The following ASB3 variants were observed in gnomAD, a reference collection of about 807,000 sequenced individuals.
ASB3 encodes the protein ankyrin repeat and SOCS box containing 3, also known as ankyrin repeat and SOCS box protein 3.
In ASB3, 41 loss-of-function variants were observed where a neutral mutation model predicts 54.5. That is an observed-to-expected ratio of 0.75 (90% confidence interval 0.59 to 0.98). The LOEUF (loss-of-function observed/expected upper bound fraction) is 0.98, where lower values mean the gene tolerates loss of function less well. Among genes scored for constraint, ASB3 ranks in the 50% least tolerant of loss-of-function variants. The probability of loss-of-function intolerance (pLI) is 0.00; values close to 1 mark genes in which losing one functional copy is unlikely to be tolerated. For missense variants in ASB3, 733 were observed against 620.0 expected, an observed-to-expected ratio of 1.18 and a Z score of -1.94; for synonymous variants, 266 against 221.2, an observed-to-expected ratio of 1.20 and a Z score of -1.80.
chr2:53,670,701 A>T lies in ASB3; in HGVS notation c.1370-11T>A. On this transcript the variant is annotated splice_polypyrimidine_tract_variant and intron_variant, in intron 9 of 9. Transcript: ENST00000263634. The stretch of plus-strand genomic sequence containing the variant: ...GGGATGGAACAGTGGCTGGAGAAAC[A>T]AAAAAAGCAAGGTGAAACTTTTTTA... The T allele has an allele frequency of 1.3e-6, 2 of 1,588,114 alleles. No individual in the cohort carries two copies. The highest frequency in any genetic ancestry group is 1.7e-6 in the Non-Finnish European group (2 of 1,169,588).
chr2:53,755,398 T>C (rs896861058), intron 2 of ASB3, among the ~76,000 whole-genome samples: 6 of 152,360 alleles, frequency 3.9e-5, no homozygotes, highest in African/African-American at 1.4e-4. Context: ...CCGTTCTTTT[T>C]GTTTTCTGCA....
At chr2:53,680,738 T>C (rs7600981) in intron 9 of ASB3, among the ~76,000 whole-genome samples, 52,206 of 151,980 alleles carry the variant, frequency 0.34, 9,276 homozygotes, top group South Asian at 0.49. Context: ...AACTATCCAA[T>C]TATACTCTTT....
At chr2:53,728,339 C>G (rs1671121518) in intron 5 of ASB3, among the ~76,000 whole-genome samples, 1 of 152,110 alleles carries the variant, frequency 6.6e-6, no homozygotes, top group Admixed American at 6.5e-5. Context: ...ACATACCCCT[C>G]AGAGCCTTAA....
chr2:53,699,542 C>T (rs191529349), intron 8 of ASB3, among the ~76,000 whole-genome samples: 14 of 152,266 alleles, frequency 9.2e-5, no homozygotes, highest in East Asian at 1.9e-4. Context: ...AATTGAAACA[C>T]GAAAGTGAAG....
chr2:53,673,028 T>A (rs1667899585), intron 9 of ASB3, among the ~76,000 whole-genome samples: 1 of 152,194 alleles, frequency 6.6e-6, no homozygotes, highest in Non-Finnish European at 1.5e-5. Flanking sequence ...TAACTGCTGT[T>A]TGGTAAGCAC....
chr2:53,674,486 T>C (rs1444092571), intron 9 of ASB3, among the ~76,000 whole-genome samples: 1 of 152,208 alleles, frequency 6.6e-6, no homozygotes, highest in Admixed American at 6.5e-5. Flanking sequence ...GCACACACAA[T>C]GATCAAAATA....
intron 1 of ASB3, among the ~76,000 whole-genome samples, chr2:53,772,222 T>G (rs1673976636): frequency 6.6e-6 from 1 of 152,198 alleles, no homozygotes; most frequent in Non-Finnish European, 1.5e-5. Flanking sequence ...TCGCCCAGGC[T>G]GGAGTGCAGT....
At chr2:53,675,676 T>C (rs1668048043) in intron 9 of ASB3, among the ~76,000 whole-genome samples, 1 of 152,186 alleles carries the variant, frequency 6.6e-6, no homozygotes, top group Non-Finnish European at 1.5e-5. Context: ...TATCAATCAG[T>C]TTATAAGCTA....
intron 2 of ASB3, among the ~76,000 whole-genome samples, chr2:53,758,391 G>C (rs191581894): frequency 6.6e-6 from 1 of 152,334 alleles, no homozygotes; most frequent in East Asian, 1.9e-4. Context: ...AAAGGACAAA[G>C]GCCCTAGTGG....
At position 53,721,574 on chromosome 2, in the gene ASB3, TCAAA is replaced by T. The variant is rs536612507; in HGVS notation, c.605-4835_605-4832del. Among the ~76,000 whole-genome samples, 682 of 151,406 alleles carry T rather than the reference TCAAA, an allele frequency of 4.5e-3. 1 individual carries two copies. Among genetic ancestry groups the T allele is most frequent in the Admixed American group, 6.4e-3 (97 of 15,190 alleles). On this transcript the variant is annotated intron_variant, in intron 5 of 9. Coordinates refer to ENST00000263634, the MANE Select transcript of ASB3 (RefSeq NM_016115.5). ...GATAGAGTGAGACTCTGTCTCAAAA[TCAAA>T]CAAACAAACAAACAAACTTGCTCTT...
chr2:53,782,544 G>A (rs964145578), intron 1 of ASB3, among the ~76,000 whole-genome samples: 1 of 152,056 alleles, frequency 6.6e-6, no homozygotes, highest in Non-Finnish European at 1.5e-5. Flanking sequence ...CACACAAAAC[G>A]CCTGGCAGCA....
intron 9 of ASB3, among the ~76,000 whole-genome samples, chr2:53,690,928 G>C (rs1357742708): frequency 6.6e-6 from 1 of 152,074 alleles, no homozygotes; most frequent in Admixed American, 6.6e-5. Context: ...AATCATTAAA[G>C]GTTCAGGACG....
chr2:53,776,467 T>C (rs1674342152), intron 1 of ASB3, among the ~76,000 whole-genome samples: 1 of 152,206 alleles, frequency 6.6e-6, no homozygotes, highest in African/African-American at 2.4e-5. Context: ...GACTGTATTG[T>C]CTATTAATTT....
At chr2:53,713,375 A>G (rs1670211741) in intron 7 of ASB3, among the ~76,000 whole-genome samples, 1 of 152,238 alleles carries the variant, frequency 6.6e-6, no homozygotes, top group East Asian at 1.9e-4. Flanking sequence ...TAAACACAAT[A>G]GCATCTATCT....
chr2:53,713,406 G>A (rs1330610968), intron 7 of ASB3, among the ~76,000 whole-genome samples: 2 of 152,020 alleles, frequency 1.3e-5, no homozygotes, highest in Admixed American at 1.3e-4. Context: ...TTCCATTATT[G>A]GATGACCAGA....
intron 9 of ASB3, among the ~76,000 whole-genome samples, chr2:53,677,059 G>A (rs1456720400): frequency 6.6e-6 from 1 of 152,136 alleles, no homozygotes. Flanking sequence ...GTGAGCCACC[G>A]CGCCCGGCCT....
intron 1 of ASB3, among the ~76,000 whole-genome samples, chr2:53,773,048 TAAAC>T (rs1045036339): frequency 2.6e-5 from 4 of 152,164 alleles, no homozygotes; most frequent in Non-Finnish European, 5.9e-5. Flanking sequence ...AGGACTTTAA[TAAAC>T]AAAAATCAAG....
At chr2:53,730,001 ACTT>A (rs1221157197) in intron 3 of ASB3, among the ~76,000 whole-genome samples, 1 of 152,214 alleles carries the variant, frequency 6.6e-6, no homozygotes, top group Non-Finnish European at 1.5e-5. Flanking sequence ...TGAAAAAGCA[ACTT>A]CTTCATCTTA....
intron 3 of ASB3, among the ~76,000 whole-genome samples, chr2:53,740,541 T>A (rs919930090): frequency 1.3e-5 from 2 of 152,228 alleles, no homozygotes; most frequent in Non-Finnish European, 2.9e-5. Context: ...TAGTATTTTA[T>A]TGATATACAG....
Sources: gnomAD v4.1 joint callset for allele counts (sites outside exome capture counted in the v4.1 genomes callset) on GRCh38, gnomAD v4.1.1 for gene constraint, MANE v1.5 for transcripts, NCBI Gene and HGNC (gene_info 2026-07-23, HGNC 2026-07-21) for gene names.